CANX: variants seen among roughly 807,000 people sequenced by gnomAD.
CANX encodes the protein epididymis secretory sperm binding protein.
In CANX, 14 loss-of-function variants were observed where a neutral mutation model predicts 75.7. The observed-to-expected ratio is 0.19, with a 90% CI of 0.12 to 0.29. The LOEUF is 0.29. Among genes scored for constraint, CANX ranks in the 10% least tolerant of loss-of-function variants. The pLI is 1.00. For synonymous variants in CANX, 227 were observed against 236.9 expected, an observed-to-expected ratio of 0.96 and a Z score of 0.38; for missense variants, 567 against 713.2, an observed-to-expected ratio of 0.79 and a Z score of 2.34.
At chr5:179,681,442 G>T (rs1366372916) in intron 1 of CANX, among the ~76,000 whole-genome samples, 1 of 152,190 alleles carries the variant, frequency 6.6e-6, no homozygotes, top group Non-Finnish European at 1.5e-5. Context: ...GGAGAAGGGG[G>T]TGAGGGAAGC....
At chr5:179,698,490 G>C (rs955741275), upstream of CANX, 2 of 1,289,306 alleles carry the variant, frequency 1.6e-6, no homozygotes, top group Non-Finnish European at 2.0e-6. Flanking sequence ...TCGCTGCAAC[G>C]GGCCCTTCCT....
rs1471776426 is a variant in CANX at position 179,721,388 on chromosome 5, C to T, written c.1182+828C>T. On this transcript the variant is annotated intron_variant, in intron 10 of 14. Transcript: ENST00000247461. The stretch of plus-strand genomic sequence containing the variant: ...TTCAGGCGGGAGCCACTGTGCCCAG[C>T]CAAGAATAACTTTCATAGTTGCTTT... 3.9e-5 allele frequency among the ~76,000 whole-genome samples: 6 copies of T among 152,330 alleles called. No individual in the cohort carries two copies. In the South Asian group the frequency reaches 1.2e-3, roughly 32 times the overall value.
chr5:179,694,005 G>C (rs1036102962), upstream of CANX, among the ~76,000 whole-genome samples: 1 of 151,914 alleles, frequency 6.6e-6, no homozygotes, highest in Non-Finnish European at 1.5e-5. Flanking sequence ...TGGGCCGGGC[G>C]TGGTGGCTTA....
intron 1 of CANX, among the ~76,000 whole-genome samples, chr5:179,705,042 G>C (rs1474902223): frequency 6.6e-6 from 1 of 152,040 alleles, no homozygotes; most frequent in Non-Finnish European, 1.5e-5. Context: ...ACGCAGGCTA[G>C]AGTGTAGTGG....
At chr5:179,693,076 G>A (rs1377279065) in intron 1 of CANX, among the ~76,000 whole-genome samples, 7 of 149,020 alleles carry the variant, frequency 4.7e-5, no homozygotes, top group Non-Finnish European at 1.0e-4. Context: ...AACTCGGAGG[G>A]TGGTGGTTGC....
upstream of CANX, among the ~76,000 whole-genome samples, chr5:179,695,400 G>A (rs1245317517): frequency 6.6e-6 from 1 of 151,912 alleles, no homozygotes; most frequent in Non-Finnish European, 1.5e-5. Flanking sequence ...CGCAATCTCA[G>A]CTCACCGCAT....
chr5:179,681,260 G>A (rs1481408394), intron 1 of CANX, among the ~76,000 whole-genome samples: 2 of 152,186 alleles, frequency 1.3e-5, no homozygotes, highest in Admixed American at 6.6e-5. Flanking sequence ...ATTCTTGGCA[G>A]GGGAATGAAG....
At chr5:179,723,147 A>C (rs1243785572) in intron 11 of CANX, 128 bp downstream of exon 11, 2 of 735,532 alleles carry the variant, frequency 2.7e-6, no homozygotes, top group East Asian at 5.1e-5. Flanking sequence ...ATATGCCTGC[A>C]AAAGACACAA....
At chr5:179,689,804 T>TGTTA (rs1160629358) in intron 1 of CANX, among the ~76,000 whole-genome samples, 1 of 152,142 alleles carries the variant, frequency 6.6e-6, no homozygotes, top group African/African-American at 2.4e-5. Context: ...TTAAAATGGA[T>TGTTA]GTTAACTCCT....
chr5:179,679,429 T>C (rs73338108), intron 1 of CANX: 14,649 of 615,534 alleles, frequency 0.024, 1,597 homozygotes, highest in African/African-American at 0.24. Flanking sequence ...GGCAGCAGTC[T>C]CACCTAAACC....
At chr5:179,719,096 A>C (rs1408659036) in intron 8 of CANX, among the ~76,000 whole-genome samples, 1 of 152,100 alleles carries the variant, frequency 6.6e-6, no homozygotes, top group Non-Finnish European at 1.5e-5. Context: ...CTGTCTAGCT[A>C]TAGATATATA....
rs979192693 is a variant in CANX at position 179,679,005 on chromosome 5, T to A, written c.-4+228T>A. 8 of 1,535,634 alleles carry A rather than the reference T, an allele frequency of 5.2e-6. No homozygotes were observed. In the East Asian group the frequency reaches 2.0e-4, roughly 38 times the overall value. ...GTGTTGTGGTCCAGCAGGTAGAAGG[T>A]GGACAGGGAGGGCATGCGGCGCAGT... On this transcript the variant is annotated intron_variant, in intron 1 of 14. Transcript: ENST00000681674.
intron 7 of CANX, among the ~76,000 whole-genome samples, chr5:179,714,524 AT>A (rs570686002): frequency 2.4e-4 from 35 of 146,104 alleles, no homozygotes; most frequent in South Asian, 6.5e-4. Context: ...ATTTATTTTT[AT>A]TTTTTTTTTT....
At position 179,708,396 on chromosome 5, in the gene CANX, G is replaced by A; in HGVS notation, c.446+16G>A. ...TCATTGTTCAGTAAGTGAAATGCTT[G>A]TTGGATAAAAGCTTTCTGCAAAGGG... On this transcript the variant is annotated intron_variant, in intron 5 of 14. Coordinates refer to ENST00000247461, the MANE Select transcript of CANX (RefSeq NM_001746.4). 6.2e-7 allele frequency: 1 copy of A among 1,608,936 alleles called. No individual in the cohort carries two copies. The highest frequency in any genetic ancestry group is 8.5e-7 in the Non-Finnish European group (1 of 1,176,524).
intron 1 of CANX, among the ~76,000 whole-genome samples, chr5:179,684,533 G>A (rs1487271074): frequency 6.6e-6 from 1 of 151,162 alleles, no homozygotes; most frequent in Non-Finnish European, 1.5e-5. Context: ...GTAGAGACGG[G>A]GTTTCACTGT....
chr5:179,709,794 A>G (rs1048652058), intron 6 of CANX, 79 bp from the exon 7 acceptor site: 6 of 879,320 alleles, frequency 6.8e-6, no homozygotes, highest in East Asian at 5.4e-5. Context: ...TATAAGAGGA[A>G]TTATCATACA....
chr5:179,728,748 C>A lies in CANX; in HGVS notation c.*104C>A, dbSNP rs748124474. ...CCTTAGGTTGACATTCAGAAAACTT[C>A]AAGACATCACCATCAGCAGGCTCCA... is the stretch of plus-strand genomic sequence containing the variant. On this transcript the variant is annotated 3_prime_UTR_variant, in exon 15 of 15. Coordinates refer to ENST00000247461, the MANE Select transcript of CANX (RefSeq NM_001746.4). 1 of 771,790 alleles carries A rather than the reference C, an allele frequency of 1.3e-6. No homozygotes were observed. The highest frequency in any genetic ancestry group is 1.9e-5 in the Admixed American group (1 of 52,148). 47.8% of individuals were successfully genotyped at this position (771,790 alleles called of 1,614,324 possible). A position where few individuals can be genotyped will look rare whatever the true frequency, so the allele number is the denominator to read the frequency against.
chr5:179,705,202 T>A (rs554726225), intron 1 of CANX, among the ~76,000 whole-genome samples: 2 of 152,284 alleles, frequency 1.3e-5, no homozygotes, highest in South Asian at 4.1e-4. Context: ...CCAGGCTGGT[T>A]GTGAACTCCT....
chr5:179,721,411 T>C (rs1439681747), intron 10 of CANX, among the ~76,000 whole-genome samples: 2 of 152,218 alleles, frequency 1.3e-5, no homozygotes, highest in African/African-American at 2.4e-5. Flanking sequence ...TCATAGTTGC[T>C]TTGTAACTAT....
Sources: gnomAD v4.1 joint callset for allele counts (sites outside exome capture counted in the v4.1 genomes callset) on GRCh38, gnomAD v4.1.1 for gene constraint, MANE v1.5 for transcripts, NCBI Gene and HGNC (gene_info 2026-07-23, HGNC 2026-07-21) for gene names.